NEGR1: variants seen among roughly 807,000 people sequenced by gnomAD.
NEGR1 encodes the protein neuronal growth regulator 1.
NEGR1 carries 10 observed loss-of-function variants against 40.9 expected under a neutral mutation model. The observed-to-expected ratio is 0.24, with a 90% CI of 0.15 to 0.42. The LOEUF (loss-of-function observed/expected upper bound fraction) is 0.42, where lower values mean the gene tolerates loss of function less well. NEGR1 is among the 10% of genes least tolerant of loss of function. The pLI, the probability that NEGR1 is intolerant of heterozygous loss-of-function variation, is 1.00. For synonymous variants in NEGR1, 185 were observed against 166.8 expected (o/e 1.11, Z -0.84); for missense variants, 352 against 438.9 (o/e 0.80, Z 1.77).
intron 2 of NEGR1, among the ~76,000 whole-genome samples, chr1:71,786,761 C>T (rs1656924693): frequency 6.6e-6 from 1 of 152,162 alleles, no homozygotes; most frequent in African/African-American, 2.4e-5. Context: ...TCTCCCCTTC[C>T]CCACCTCATA....
At chr1:72,240,103 A>G (rs1463585193) in intron 1 of NEGR1, among the ~76,000 whole-genome samples, 2 of 151,916 alleles carry the variant, frequency 1.3e-5, no homozygotes, top group African/African-American at 4.8e-5. Context: ...TTGAAGCAAG[A>G]ACAAACATTA....
rs749013935 is a variant in NEGR1 at position 71,407,434 on chromosome 1, G to C, written c.*12C>G. ...CAGAGAATCCTTAAAAGCCTTTTATGGGTCTTTGAATTTATTGTAGAATGG... is the reference window on the plus strand; with the variant it reads ...CAGAGAATCCTTAAAAGCCTTTTATCGGTCTTTGAATTTATTGTAGAATGG... On this transcript the variant is annotated 3_prime_UTR_variant, in exon 7 of 7. Transcript: ENST00000357731. 1 of 1,610,344 alleles carries C rather than the reference G, an allele frequency of 6.2e-7. No individual in the cohort carries two copies. Among genetic ancestry groups the C allele is most frequent in the African/African-American group, 1.3e-5 (1 of 74,712 alleles).
chr1:71,565,947 A>AT (rs1648607587), intron 6 of NEGR1, among the ~76,000 whole-genome samples: 1 of 152,116 alleles, frequency 6.6e-6, no homozygotes, highest in Non-Finnish European at 1.5e-5. Context: ...ATTTAAAACA[A>AT]TGTCTGACAC....
chr1:71,880,511 G>A (rs916871447), intron 2 of NEGR1, among the ~76,000 whole-genome samples: 2 of 151,992 alleles, frequency 1.3e-5, no homozygotes, highest in African/African-American at 4.8e-5. Flanking sequence ...TCAAATTTAA[G>A]ACACCTTTGG....
chr1:71,528,414 G>A (rs1161178844), intron 6 of NEGR1, among the ~76,000 whole-genome samples: 1 of 151,122 alleles, frequency 6.6e-6, no homozygotes, highest in Non-Finnish European at 1.5e-5. Context: ...TATGCTCCTA[G>A]TACTCAGTGC....
intron 3 of NEGR1, among the ~76,000 whole-genome samples, chr1:71,762,500 A>C (rs1359485659): frequency 6.6e-6 from 1 of 152,154 alleles, no homozygotes; most frequent in East Asian, 1.9e-4. Context: ...ATGATTGTTC[A>C]TAGCAGCTTT....
intron 1 of NEGR1, among the ~76,000 whole-genome samples, chr1:72,171,087 C>A (rs570809064): frequency 6.6e-6 from 1 of 152,080 alleles, no homozygotes; most frequent in African/African-American, 2.4e-5. Flanking sequence ...GAGGGTAGGC[C>A]TTGTTAAGAA....
chr1:71,520,451 C>G (rs2101429139), intron 6 of NEGR1, among the ~76,000 whole-genome samples: 1 of 152,108 alleles, frequency 6.6e-6, no homozygotes, highest in African/African-American at 2.4e-5. Context: ...AGAGAAATCT[C>G]CCTTGGACAG....
At chr1:71,479,952 G>A (rs1646844021) in intron 6 of NEGR1, among the ~76,000 whole-genome samples, 1 of 151,814 alleles carries the variant, frequency 6.6e-6, no homozygotes, top group Non-Finnish European at 1.5e-5. Context: ...CTTCTTTTAT[G>A]TGATTCATAT....
chr1:71,862,290 C>T (rs1381711913), intron 2 of NEGR1, among the ~76,000 whole-genome samples: 1 of 152,030 alleles, frequency 6.6e-6, no homozygotes, highest in Non-Finnish European at 1.5e-5. Context: ...GGTTTTCTGA[C>T]CCCATAGCTG....
intron 4 of NEGR1, among the ~76,000 whole-genome samples, chr1:71,622,145 T>TA (rs1293516956): frequency 2.0e-5 from 3 of 151,940 alleles, no homozygotes; most frequent in Non-Finnish European, 2.9e-5. Context: ...CCACCAGCTG[T>TA]ATCAACAGGA....
intron 6 of NEGR1, among the ~76,000 whole-genome samples, chr1:71,524,798 G>T (rs1647197964): frequency 6.6e-6 from 1 of 151,744 alleles, no homozygotes; most frequent in East Asian, 1.9e-4. Flanking sequence ...ATTCTTAAAT[G>T]CAAAAGAGGG....
At chr1:72,268,690 A>G (rs1200225901) in intron 1 of NEGR1, among the ~76,000 whole-genome samples, 1 of 151,584 alleles carries the variant, frequency 6.6e-6, no homozygotes, top group African/African-American at 2.4e-5. Flanking sequence ...CAATTCAAGG[A>G]TTCTAGAATT....
At chr1:72,137,467 C>G (rs894175116) in intron 1 of NEGR1, among the ~76,000 whole-genome samples, 1 of 151,870 alleles carries the variant, frequency 6.6e-6, no homozygotes, top group African/African-American at 2.4e-5. Flanking sequence ...AAACTGGAAA[C>G]CATCATTCTC....
intron 1 of NEGR1, among the ~76,000 whole-genome samples, chr1:72,154,126 T>A (rs923809477): frequency 1.3e-5 from 2 of 151,724 alleles, no homozygotes; most frequent in African/African-American, 4.8e-5. Flanking sequence ...GACAATTGTT[T>A]TGTGAATTTG....
intron 6 of NEGR1, among the ~76,000 whole-genome samples, chr1:71,575,898 T>C (rs962043179): frequency 6.6e-6 from 1 of 152,258 alleles, no homozygotes; most frequent in Non-Finnish European, 1.5e-5. Flanking sequence ...TACTAGGTTT[T>C]TGAGCAAATT....
intron 6 of NEGR1, among the ~76,000 whole-genome samples, chr1:71,424,151 C>A (rs145858619): frequency 6.6e-6 from 1 of 151,534 alleles, no homozygotes; most frequent in Admixed American, 6.6e-5. Context: ...AATAGTAAAT[C>A]TTTCCATGAT....
chr1:72,194,343 T>C (rs1400935292), intron 1 of NEGR1, among the ~76,000 whole-genome samples: 1 of 151,950 alleles, frequency 6.6e-6, no homozygotes, highest in Non-Finnish European at 1.5e-5. Context: ...TTATTTTTAG[T>C]AGTATCATGG....
At chr1:71,868,466 G>GAAT (rs1210695142) in intron 2 of NEGR1, among the ~76,000 whole-genome samples, 383 of 91,174 alleles carry the variant, frequency 4.2e-3, no homozygotes, top group Non-Finnish European at 6.7e-3. Context: ...TAGATAGATA[G>GAAT]ACAGAATACA....
Sources: allele counts gnomAD v4.1 joint callset (sites outside exome capture counted in the v4.1 genomes callset), GRCh38; gene constraint gnomAD v4.1.1; transcripts MANE v1.5; gene names NCBI Gene and HGNC (gene_info 2026-07-23, HGNC 2026-07-21).